The following CIBAR1 variants were observed in gnomAD, a reference collection of about 807,000 sequenced individuals.
CIBAR1 encodes CBY1-interacting BAR domain-containing protein 1.
CIBAR1 carries 25 observed loss-of-function variants against 44.0 expected under a neutral mutation model. That is an observed-to-expected ratio of 0.57 (90% CI 0.41 to 0.79). CIBAR1 has a LOEUF of 0.79. Among genes scored for constraint, CIBAR1 ranks in the 30% least tolerant of loss-of-function variants. The pLI is 0.00. For synonymous variants in CIBAR1, 115 were observed against 119.0 expected, an observed-to-expected ratio of 0.97 and a Z score of 0.22; for missense variants, 278 against 344.8, an observed-to-expected ratio of 0.81 and a Z score of 1.53.
At position 93,704,382 on chromosome 8, in the gene CIBAR1, C is replaced by T. The variant is rs546819140; in HGVS notation, c.331-527C>T. ...CCCCAACCATTTTGGCACCAGGGAC[C>T]GGTTTTGTGGAAGACAATTTTTCTT... On this transcript the variant is annotated intron_variant, in intron 3 of 8. Transcript: ENST00000518322. Among the ~76,000 whole-genome samples, 14 of 152,172 alleles carry T rather than the reference C, an allele frequency of 9.2e-5. No individual in the cohort carries two copies. In the South Asian group the frequency reaches 2.3e-3, roughly 25 times the overall value.
At chr8:93,704,021 G>A (rs986177273) in intron 3 of CIBAR1, among the ~76,000 whole-genome samples, 2 of 150,696 alleles carry the variant, frequency 1.3e-5, no homozygotes, top group South Asian at 4.2e-4. Flanking sequence ...CTGAGATAGC[G>A]CCACTGCACT....
At position 93,704,763 on chromosome 8, in the gene CIBAR1, C is replaced by T. The variant is rs1810513212; in HGVS notation, c.331-146C>T. On this transcript the variant is annotated intron_variant, in intron 3 of 8. Coordinates refer to ENST00000518322, the MANE Select transcript of CIBAR1 (RefSeq NM_145269.5). ...ATACATAGACACTAATTATGTAATA[C>T]TTGTAATTCCTGTGGTAATGGTACC... 7.2e-6 allele frequency: 4 copies of T among 556,448 alleles called. No individual in the cohort carries two copies. In the Admixed American group the frequency reaches 1.4e-4, roughly 19 times the overall value. The allele number at this position is 556,448 out of a possible 1,614,324, so 34.5% of individuals were successfully genotyped here.
chr8:93,720,625 C>T (rs983068459), intron 7 of CIBAR1: 1 of 152,170 alleles, frequency 6.6e-6, no homozygotes, highest in Admixed American at 6.5e-5. Context: ...AATCCCAGCA[C>T]TTTGGGAGCC....
intron 4 of CIBAR1, chr8:93,705,643 AG>A (rs1810550072): frequency 6.6e-6 from 1 of 152,334 alleles, no homozygotes; most frequent in African/African-American, 2.4e-5. Flanking sequence ...TGAGATGGGT[AG>A]GACTGTGTAG....
chr8:93,713,849 A>G (rs1414136872), intron 6 of CIBAR1, among the ~76,000 whole-genome samples: 4 of 152,176 alleles, frequency 2.6e-5, no homozygotes, highest in Admixed American at 2.0e-4. Flanking sequence ...CCTTATGTCA[A>G]TACCACACTG....
At chr8:93,703,541 C>A in intron 2 of CIBAR1, 79 bp from the exon 3 acceptor site, 1 of 801,214 alleles carries the variant, frequency 1.2e-6, no homozygotes, top group Admixed American at 3.0e-5. Context: ...TGAGTCTTAT[C>A]AATTTCTAGT....
intron 7 of CIBAR1, among the ~76,000 whole-genome samples, chr8:93,723,857 C>G (rs1811368213): frequency 6.6e-6 from 1 of 152,116 alleles, no homozygotes; most frequent in South Asian, 2.1e-4. Context: ...TGTTGTAATT[C>G]TAGGCTAAGG....
At chr8:93,726,292 G>T in intron 7 of CIBAR1, 102 bp from the exon 8 acceptor site, 5 of 965,820 alleles carry the variant, frequency 5.2e-6, no homozygotes, top group Admixed American at 3.2e-5. Flanking sequence ...CCATTTGGGG[G>T]GAGTTGTTTT....
intron 8 of CIBAR1, 123 bp downstream of exon 8, chr8:93,726,636 C>A (rs1245393956): frequency 1.8e-6 from 2 of 1,134,002 alleles, no homozygotes; most frequent in East Asian, 5.3e-5. Flanking sequence ...CCTATTTCTT[C>A]TCTTCTATAA....
intron 4 of CIBAR1, chr8:93,707,054 G>A (rs559276378): frequency 4.8e-6 from 1 of 208,012 alleles, no homozygotes; most frequent in Admixed American, 6.0e-5. Flanking sequence ...CTATAATGCA[G>A]TGTGAGAAAT....
At chr8:93,713,408 C>T (rs1381736872) in intron 6 of CIBAR1, among the ~76,000 whole-genome samples, 1 of 152,134 alleles carries the variant, frequency 6.6e-6, no homozygotes, top group Non-Finnish European at 1.5e-5. Flanking sequence ...ATAGAAGTCC[C>T]TTATCAGATA....
Position 93,728,531 on chromosome 8 carries a change from T to A in CIBAR1, c.*234T>A, listed in dbSNP as rs1193258808. The A allele has an allele frequency of 3.2e-5, 11 of 346,318 alleles. No individual in the cohort carries two copies. The highest frequency in any genetic ancestry group is 8.6e-5 in the African/African-American group (4 of 46,298). 21.5% of individuals were successfully genotyped at this position (346,318 alleles called of 1,614,324 possible). On this transcript the variant is annotated 3_prime_UTR_variant, in exon 9 of 9. Coordinates refer to ENST00000518322, the MANE Select transcript of CIBAR1 (RefSeq NM_145269.5). Reference sequence around the variant, plus strand: ...ATTTTTGTGTAAGTGCCTTTTTTTTTAAAGATGGTGTATTTCAAAGTATTT... The same window carrying A: ...ATTTTTGTGTAAGTGCCTTTTTTTTAAAAGATGGTGTATTTCAAAGTATTT...
In CIBAR1 at chr8:93,722,648, G is replaced by T. The variant is rs1811311406; in HGVS notation, c.658-3746G>T. Reference sequence around the variant, plus strand: ...TGGGAGGCAGAGGTTGCAGTGAGCTGAGAGTGTGCCAATTGCACTCCAGCC... The same window carrying T: ...TGGGAGGCAGAGGTTGCAGTGAGCTTAGAGTGTGCCAATTGCACTCCAGCC... On this transcript the variant is annotated intron_variant, in intron 7 of 8. Coordinates refer to ENST00000518322, the MANE Select transcript of CIBAR1 (RefSeq NM_145269.5). Among the ~76,000 whole-genome samples the T allele has an allele frequency of 7.2e-5, 11 of 152,150 alleles. 1 individual carries two copies. The South Asian group carries it at 2.3e-3, about 32-fold the overall frequency.
At chr8:93,720,681 GC>G (rs1281204294) in intron 7 of CIBAR1, 1 of 152,084 alleles carries the variant, frequency 6.6e-6, no homozygotes, top group Non-Finnish European at 1.5e-5. Context: ...GACCAGCCTG[GC>G]CAACATGGTG....
intron 6 of CIBAR1, among the ~76,000 whole-genome samples, chr8:93,710,976 T>G (rs1329003159): frequency 6.6e-6 from 1 of 152,234 alleles, no homozygotes; most frequent in African/African-American, 2.4e-5. Flanking sequence ...TAGCTTAATA[T>G]TTTGTAGTAA....
At position 93,708,122 on chromosome 8, in the gene CIBAR1, C is replaced by G. The variant is rs544796614; in HGVS notation, c.438+106C>G. Reference sequence around the variant, plus strand: ...AAAAGAAAGCAAAAGCTAAATGTCACAGTATTACTTATCACAGAACTTTGA... The same window carrying G: ...AAAAGAAAGCAAAAGCTAAATGTCAGAGTATTACTTATCACAGAACTTTGA... On this transcript the variant is annotated intron_variant, in intron 5 of 8. Transcript: ENST00000518322. 6.6e-5 allele frequency: 51 copies of G among 771,304 alleles called. No individual in the cohort carries two copies. In the Admixed American group the frequency reaches 1.3e-3, roughly 20 times the overall value. 47.8% of individuals were successfully genotyped at this position (771,304 alleles called of 1,614,324 possible). A position where few individuals can be genotyped will look rare whatever the true frequency, so the allele number is the denominator to read the frequency against.
At chr8:93,722,965 C>A (rs903206152) in intron 7 of CIBAR1, among the ~76,000 whole-genome samples, 2 of 152,184 alleles carry the variant, frequency 1.3e-5, no homozygotes, top group African/African-American at 4.8e-5. Context: ...CCTCCAAATA[C>A]CAGCTAATGA....
chr8:93,711,185 T>C (rs1025835082), intron 6 of CIBAR1, among the ~76,000 whole-genome samples: 1 of 152,216 alleles, frequency 6.6e-6, no homozygotes, highest in Non-Finnish European at 1.5e-5. Context: ...GAAGGACCTC[T>C]TATGACCATC....
intron 7 of CIBAR1, among the ~76,000 whole-genome samples, chr8:93,721,733 C>T (rs1414832341): frequency 6.6e-6 from 1 of 151,970 alleles, no homozygotes; most frequent in East Asian, 1.9e-4. Flanking sequence ...AGAAACAGTC[C>T]AAGTTGTCAA....
Sources: allele counts gnomAD v4.1 joint callset (sites outside exome capture counted in the v4.1 genomes callset), GRCh38; gene constraint gnomAD v4.1.1; transcripts MANE v1.5; gene names NCBI Gene and HGNC (gene_info 2026-07-23, HGNC 2026-07-21).